Variants in HIP1 observed in about 807,000 individuals in gnomAD.
HIP1 encodes huntingtin-interacting protein 1.
In HIP1, 65 loss-of-function variants were observed where a neutral mutation model predicts 147.6. The observed-to-expected ratio is 0.44, with a 90% CI of 0.36 to 0.54. The LOEUF (loss-of-function observed/expected upper bound fraction) is 0.54. Ranked by LOEUF, HIP1 falls within the 20% of genes least tolerant of loss-of-function variation. The pLI is 0.00. For missense variants in HIP1, 1,061 were observed against 1,299.6 expected (o/e 0.82, Z 2.82); for synonymous variants, 479 against 504.0 (o/e 0.95, Z 0.67).
At position 75,558,263 on chromosome 7, in the gene HIP1, G is replaced by A; in HGVS notation, c.1376-8C>T. The A allele has an allele frequency of 1.9e-6, 3 of 1,611,752 alleles. No homozygotes were observed. Among genetic ancestry groups the A allele is most frequent in the South Asian group, 2.2e-5 (2 of 91,038 alleles). On this transcript the variant is annotated splice_polypyrimidine_tract_variant and splice_region_variant and intron_variant, in intron 14 of 30. Transcript: ENST00000336926. Reference sequence around the variant, plus strand: ...CATTGGCTTGAGCTTTCCCTGTATTGTAAAGGACCAAGGTGAGGAGTCTAA... The same window carrying A: ...CATTGGCTTGAGCTTTCCCTGTATTATAAAGGACCAAGGTGAGGAGTCTAA...
intron 1 of HIP1, among the ~76,000 whole-genome samples, chr7:75,726,102 A>T (rs1801642216): frequency 6.6e-6 from 1 of 152,094 alleles, no homozygotes; most frequent in Non-Finnish European, 1.5e-5. Context: ...CCTTGTTATC[A>T]CAAACTGCTA....
At chr7:75,669,632 C>T (rs1347515033) in intron 1 of HIP1, among the ~76,000 whole-genome samples, 2 of 152,092 alleles carry the variant, frequency 1.3e-5, no homozygotes, top group Non-Finnish European at 2.9e-5. Flanking sequence ...ATCCTTCCCC[C>T]AACCCCCGGC....
rs183298415 is a variant in HIP1 at position 75,641,654 on chromosome 7, G to A, written c.121-42407C>T. Among the ~76,000 whole-genome samples, 12 of 151,876 alleles carry A rather than the reference G, an allele frequency of 7.9e-5. No individual in the cohort carries two copies. The East Asian group carries it at 2.3e-3, about 30-fold the overall frequency. ...TTACAGGCATGTGCCACCATGCCCAGCCCCGGCTAATTTTGTATTTATAGT... is the reference window on the plus strand; with the variant it reads ...TTACAGGCATGTGCCACCATGCCCAACCCCGGCTAATTTTGTATTTATAGT... On this transcript the variant is annotated intron_variant, in intron 1 of 30. Transcript: ENST00000336926.
intron 7 of HIP1, among the ~76,000 whole-genome samples, chr7:75,580,950 C>T (rs1796017782): frequency 6.6e-6 from 1 of 152,102 alleles, no homozygotes; most frequent in Admixed American, 6.6e-5. Context: ...CCATGTTGGC[C>T]AGGCTGGTCT....
At chr7:75,645,524 G>A (rs1367593834) in intron 1 of HIP1, among the ~76,000 whole-genome samples, 3 of 152,142 alleles carry the variant, frequency 2.0e-5, no homozygotes, top group Admixed American at 1.3e-4. Flanking sequence ...ACTGCACCCG[G>A]CCTGGATTGT....
chr7:75,621,527 A>G (rs1283667708), intron 1 of HIP1, among the ~76,000 whole-genome samples: 1 of 152,122 alleles, frequency 6.6e-6, no homozygotes, highest in African/African-American at 2.4e-5. Context: ...AATTGCTGAG[A>G]TTAACAGGTG....
rs117482811 is a variant in HIP1 at position 75,618,022 on chromosome 7, C to T, written c.121-18775G>A. ...CCCTGGCCAGAGCTCCCGGGGGAAG[C>T]CTTCCGGATAGGCAGCTTGTCAGCA... On this transcript the variant is annotated intron_variant, in intron 1 of 30. Transcript: ENST00000336926. Among the ~76,000 whole-genome samples the T allele has an allele frequency of 5.0e-3, 767 of 152,344 alleles. 5 individuals are homozygous for T. The highest frequency in any genetic ancestry group is 7.8e-3 in the Non-Finnish European group (529 of 68,026).
chr7:75,660,504 G>A (rs959265810), intron 1 of HIP1, among the ~76,000 whole-genome samples: 1 of 152,104 alleles, frequency 6.6e-6, no homozygotes, highest in African/African-American at 2.4e-5. Flanking sequence ...TCCAGCCTGG[G>A]CAACAGATTG....
intron 1 of HIP1, among the ~76,000 whole-genome samples, chr7:75,606,457 T>C (rs1397963601): frequency 6.6e-6 from 1 of 152,074 alleles, no homozygotes; most frequent in Non-Finnish European, 1.5e-5. Flanking sequence ...CTCATGCCTA[T>C]AATCCCAGCT....
At chr7:75,598,391 T>C (rs1432093446) in intron 2 of HIP1, among the ~76,000 whole-genome samples, 1 of 142,698 alleles carries the variant, frequency 7.0e-6, no homozygotes, top group Non-Finnish European at 1.5e-5. Flanking sequence ...AGTGGGACTC[T>C]GTCTCAAAAA....
chr7:75,583,805 T>TGTGTGTGTGTGTG (rs1554499082), intron 5 of HIP1, among the ~76,000 whole-genome samples: 16 of 135,144 alleles, frequency 1.2e-4, no homozygotes, highest in African/African-American at 1.4e-4. Flanking sequence ...TGTGTGTGTG[T>TGTGTGTGTGTGTG]TTAGTAGAGA....
intron 12 of HIP1, 149 bp from the exon 13 acceptor site, chr7:75,561,550 T>C (rs1207856955): frequency 7.7e-6 from 5 of 646,462 alleles, no homozygotes; most frequent in Admixed American, 5.0e-5. Flanking sequence ...TGTTACCAGA[T>C]ACTAATCTAA....
chr7:75,548,351 A>G (rs1429566575), intron 23 of HIP1, among the ~76,000 whole-genome samples: 1 of 151,912 alleles, frequency 6.6e-6, no homozygotes, highest in Non-Finnish European at 1.5e-5. Context: ...TCTGACACCA[A>G]AGTATCTGAT....
At chr7:75,552,643 CA>C (rs1554492339) in intron 22 of HIP1, among the ~76,000 whole-genome samples, 1 of 152,080 alleles carries the variant, frequency 6.6e-6, no homozygotes, top group East Asian at 1.9e-4. Context: ...AGGTGTGAGC[CA>C]CCATGCTCGG....
chr7:75,633,885 C>T (rs782062591), intron 1 of HIP1, among the ~76,000 whole-genome samples: 1 of 152,064 alleles, frequency 6.6e-6, no homozygotes, highest in Non-Finnish European at 1.5e-5. Flanking sequence ...CATCGGCCTG[C>T]TGGGTAAGTC....
intron 8 of HIP1, among the ~76,000 whole-genome samples, chr7:75,570,334 C>A (rs1795575592): frequency 6.6e-6 from 1 of 151,310 alleles, no homozygotes; most frequent in Admixed American, 6.6e-5. Flanking sequence ...CTCTGTCACC[C>A]AGGCTGGAGT....
At chr7:75,572,651 C>A (rs782092070) in intron 8 of HIP1, among the ~76,000 whole-genome samples, 1 of 152,210 alleles carries the variant, frequency 6.6e-6, no homozygotes, top group South Asian at 2.1e-4. Flanking sequence ...CAGGCAGAAG[C>A]CTCACCCTGC....
intron 1 of HIP1, among the ~76,000 whole-genome samples, chr7:75,650,116 C>T (rs1447660186): frequency 3.3e-5 from 5 of 152,186 alleles, no homozygotes; most frequent in South Asian, 2.1e-4. Flanking sequence ...GATTAGCTGG[C>T]GGGTTCTGGG....
chr7:75,554,500 T>C lies in HIP1; in HGVS notation c.1990A>G (p.Ile664Val), dbSNP rs782462044. ...ADHLLSTVTS[I>V]SSCIEQLEKS... ...TCCAGTTGCTCGATGCAGCTGGAAATGGATGTGACCGTGGAGAGGAGGTGA... is the reference window on the plus strand; with the variant it reads ...TCCAGTTGCTCGATGCAGCTGGAAACGGATGTGACCGTGGAGAGGAGGTGA... Residue 664 changes from isoleucine to valine, a missense_variant, in exon 20 of 31, where the codon ATT (isoleucine) becomes GTT (valine). Coordinates refer to ENST00000336926, the MANE Select transcript of HIP1 (RefSeq NM_005338.7). 4 of 1,613,762 alleles carry C rather than the reference T, an allele frequency of 2.5e-6. No homozygotes were observed. The highest frequency in any genetic ancestry group is 2.7e-5 in the African/African-American group (2 of 74,908).
Sources: allele counts gnomAD v4.1 joint callset (sites outside exome capture counted in the v4.1 genomes callset), GRCh38; gene constraint gnomAD v4.1.1; transcripts MANE v1.5; gene names NCBI Gene and HGNC (gene_info 2026-07-23, HGNC 2026-07-21).